EPS8L3: variants seen among roughly 807,000 people sequenced by gnomAD.
EPS8L3 encodes the protein epidermal growth factor receptor kinase substrate 8-like protein 3.
In EPS8L3, 80 loss-of-function variants were observed where a neutral mutation model predicts 88.5. That is an observed-to-expected ratio of 0.90 (90% CI 0.75 to 1.09). The LOEUF (loss-of-function observed/expected upper bound fraction) is 1.09, where lower values mean the gene tolerates loss of function less well. Ranked by LOEUF, EPS8L3 falls within the 50% of genes least tolerant of loss-of-function variation. EPS8L3 has a pLI of 0.00. For synonymous variants in EPS8L3, 286 were observed against 291.0 expected, an observed-to-expected ratio of 0.98 and a Z score of 0.18; for missense variants, 721 against 735.2, an observed-to-expected ratio of 0.98 and a Z score of 0.22.
intron 13 of EPS8L3, 44 bp from the exon 14 acceptor site, chr1:109,752,764 C>A: frequency 6.5e-7 from 1 of 1,530,868 alleles, no homozygotes; most frequent in Non-Finnish European, 8.9e-7. Context: ...AGGAGGCAGC[C>A]AGCATGGTGG....
intron 12 of EPS8L3, among the ~76,000 whole-genome samples, chr1:109,754,492 T>C (rs1339507425): frequency 6.6e-6 from 1 of 152,230 alleles, no homozygotes; most frequent in Non-Finnish European, 1.5e-5. Context: ...GTTAAGAAAC[T>C]AAAAAACATC....
chr1:109,759,444 G>A lies in EPS8L3; in HGVS notation c.256-57C>T, dbSNP rs774856210. ...CACCAGAGCTAGGTGTGGCTTCTGGGAGCTCCTGACCAGCTCATCCTAGCC... is the reference window on the plus strand; with the variant it reads ...CACCAGAGCTAGGTGTGGCTTCTGGAAGCTCCTGACCAGCTCATCCTAGCC... On this transcript the variant is annotated intron_variant, in intron 4 of 18. Coordinates refer to ENST00000361965, the MANE Select transcript of EPS8L3 (RefSeq NM_133181.4). This position sits in a 1 kb window ranked among gnomAD's most constrained non-coding sequence, Gnocchi z 4.2. 11 of 1,594,088 alleles carry A rather than the reference G, an allele frequency of 6.9e-6. No homozygotes were observed. The highest frequency in any genetic ancestry group is 8.5e-6 in the Non-Finnish European group (10 of 1,170,222).
chr1:109,751,466 G>A (rs1557986886), intron 16 of EPS8L3, 115 bp from the exon 17 acceptor site: 3 of 1,368,392 alleles, frequency 2.2e-6, no homozygotes, highest in Non-Finnish European at 2.0e-6. Context: ...TTACTCTGTG[G>A]CTTTCTGGTC....
At chr1:109,763,622 C>T (rs1018500001) in intron 1 of EPS8L3, among the ~76,000 whole-genome samples, 200 bp downstream of exon 1, 11 of 152,308 alleles carry the variant, frequency 7.2e-5, no homozygotes, top group East Asian at 3.9e-4. Context: ...GAGGCCCTTC[C>T]GGAGCCTGGA....
At chr1:109,754,520 A>T (rs1443576702) in intron 12 of EPS8L3, among the ~76,000 whole-genome samples, 1 of 152,244 alleles carries the variant, frequency 6.6e-6, no homozygotes, top group Admixed American at 6.5e-5. Context: ...ACATCTGACA[A>T]TATTACATTT....
rs757293027 is a variant in EPS8L3 at position 109,759,384 on chromosome 1, C to T, written c.259G>A (p.Glu87Lys). The part of the protein sequence containing the change: ...LQLLDIETKE[E>K]LDSYRLDSIQ... ...CTGTCTAGGCGGTAAGAGTCCAGCT[C>T]CTCCTGGGCCAGGTGGAGAGGTCAA... The change falls in exon 5 of 19, where the codon GAG becomes AAG. Residue 87 changes from glutamate (E) to lysine (K), a missense_variant. Transcript: ENST00000361965. The surrounding 1 kb of genome is among the most constrained non-coding windows in gnomAD (Gnocchi z 4.2). 4 of 1,613,490 alleles carry T rather than the reference C, an allele frequency of 2.5e-6. No individual in the cohort carries two copies. The highest frequency in any genetic ancestry group is 4.5e-5 in the East Asian group (2 of 44,894).
chr1:109,752,020 G>T lies in EPS8L3; in HGVS notation c.1409C>A (p.Thr470Asn), dbSNP rs77184613. 1.7e-4 allele frequency: 273 copies of T among 1,611,588 alleles called. No individual in the cohort carries two copies. The highest frequency in any genetic ancestry group is 3.2e-4 in the Admixed American group (19 of 59,800). Residue 470 changes from threonine (T) to asparagine (N), a missense_variant, in exon 15 of 19, where the codon ACT becomes AAT. Thr to Asn is a moderately conservative substitution (Grantham distance 65). Transcript: ENST00000361965. ...CTCCAGCTTCTCTCCCTGGACCACA[G>T]TCAGTTCCCGTGGGTTCCTAGCTTC... ...EFEARNPRELTVVQGEKLEVL... is the reference protein window; with the variant it reads ...EFEARNPRELNVVQGEKLEVL...
At chr1:109,756,061 C>T (rs1434551565) in intron 12 of EPS8L3, among the ~76,000 whole-genome samples, 3 of 152,192 alleles carry the variant, frequency 2.0e-5, no homozygotes, top group South Asian at 2.1e-4. Flanking sequence ...TGTCAAGGTA[C>T]GTTCAGGGGC....
At chr1:109,760,200 G>C (rs1650769284) in intron 3 of EPS8L3, among the ~76,000 whole-genome samples, 1 of 152,144 alleles carries the variant, frequency 6.6e-6, no homozygotes, top group East Asian at 1.9e-4. Context: ...AGGACCCTCA[G>C]ATTCTGTCCC....
At chr1:109,753,392 C>A (rs1356569991) in intron 12 of EPS8L3, among the ~76,000 whole-genome samples, 194 bp from the exon 13 acceptor site, 1 of 152,164 alleles carries the variant, frequency 6.6e-6, no homozygotes, top group Non-Finnish European at 1.5e-5. Context: ...TGGACACATC[C>A]CACGGTGCAG....
Position 109,757,104 on chromosome 1 carries a change from G to A in EPS8L3, c.1031C>T (p.Pro344Leu). The A allele has an allele frequency of 1.2e-6, 2 of 1,614,046 alleles. No individual in the cohort carries two copies. Among genetic ancestry groups the A allele is most frequent in the Non-Finnish European group, 1.7e-6 (2 of 1,179,922 alleles). ...GGACTGTAGCAGGTTGATAGCTTTA[G>A]GGGTGAGGAGGGGTGAGATCACTTG... ...AAQVISPLLT[P>L]KAINLLQSCL... Residue 344 changes from proline (P) to leucine (L), a missense_variant, in exon 12 of 19, where the codon CCT (proline) becomes CTT (leucine). Pro to Leu is a moderately conservative substitution (Grantham distance 98). Coordinates refer to ENST00000361965, the MANE Select transcript of EPS8L3 (RefSeq NM_133181.4).
rs759841326 is a variant in EPS8L3 at position 109,751,300 on chromosome 1, G to T, written c.1615C>A (p.Gln539Lys). 1.9e-6 allele frequency: 3 copies of T among 1,613,918 alleles called. No homozygotes were observed. In the South Asian group the frequency reaches 3.3e-5, roughly 18 times the overall value. ...CACGCAGTGGAGAAGTTCTCTGCCT[G>T]CAGCCAGTCTGTGACCTCTTCAGGC... The part of the protein sequence containing the change: ...SRPEEVTDWL[Q>K]AENFSTATVR... The change falls in exon 17 of 19, where the codon CAG becomes AAG. Residue 539 changes from glutamine (Q) to lysine (K), a missense_variant. Gln to Lys is a moderately conservative substitution (Grantham distance 53). Coordinates refer to ENST00000361965, the MANE Select transcript of EPS8L3 (RefSeq NM_133181.4).
In EPS8L3 at chr1:109,752,202, CAG is replaced by C. The variant is rs766209658; in HGVS notation, c.1236-11_1236-10del. 1.2e-6 allele frequency: 2 copies of C among 1,608,354 alleles called. No individual in the cohort carries two copies. Among genetic ancestry groups the C allele is most frequent in the Non-Finnish European group, 1.7e-6 (2 of 1,176,358 alleles). On this transcript the variant is annotated splice_polypyrimidine_tract_variant and intron_variant, in intron 14 of 18. Coordinates refer to ENST00000361965, the MANE Select transcript of EPS8L3 (RefSeq NM_133181.4). Reference sequence around the variant, plus strand: ...ACCTATGACTTCCCCGCCTAAGAAACAGAGTCAGGATGGCTGGAGAATGGGGC... The same window carrying C: ...ACCTATGACTTCCCCGCCTAAGAAACAGTCAGGATGGCTGGAGAATGGGGC...
rs1011099057 is a variant in EPS8L3 at position 109,759,994 on chromosome 1, A to T, written c.97-158T>A. The T allele has an allele frequency of 1.7e-5, 12 of 717,246 alleles. No individual in the cohort carries two copies. The highest frequency in any genetic ancestry group is 2.3e-5 in the Non-Finnish European group (10 of 443,718). The allele number at this position is 717,246 out of a possible 1,614,324, so 44.4% of individuals were successfully genotyped here. On this transcript the variant is annotated intron_variant, in intron 3 of 18. Transcript: ENST00000361965. This position sits in a 1 kb window ranked among gnomAD's most constrained non-coding sequence, Gnocchi z 4.2. ...CAGATAAAGCAACTTTCCAGGGCCA[A>T]TGTGAGGGACGGTGTCGAAGCACTG...
Position 109,759,115 on chromosome 1 carries a change from T to A in EPS8L3, c.408A>T (p.Ala136=), listed in dbSNP as rs1192811867. ...TLLFQCQEVG[A]ERLKTSLQKA... is the part of the protein sequence containing the mutation. ...TCTGCAGGCTGGTCTTCAGTCGCTC[T>A]GCCTGGGAAGCAGCAGTCAGGCAGG... Residue 136 remains alanine (A), a splice_region_variant and synonymous_variant, in exon 6 of 19, where the codon GCA becomes GCT. Transcript: ENST00000361965. The surrounding 1 kb of genome is among the most constrained non-coding windows in gnomAD (Gnocchi z 4.2). The A allele has an allele frequency of 6.2e-7, 1 of 1,612,280 alleles. No individual in the cohort carries two copies. Among genetic ancestry groups the A allele is most frequent in the South Asian group, 1.1e-5 (1 of 91,002 alleles).
At position 109,757,127 on chromosome 1, in the gene EPS8L3, T is replaced by C; in HGVS notation, c.1008A>G (p.Gln336=). The change falls in exon 12 of 19, where the codon CAA becomes CAG. Residue 336 remains glutamine (Q), a synonymous_variant. Coordinates refer to ENST00000361965, the MANE Select transcript of EPS8L3 (RefSeq NM_133181.4). ...TAGGGGTGAGGAGGGGTGAGATCAC[T>C]TGGGCTGCTAGGCCAGCCTCAGGGC... ...ARCPEAGLAA[Q]VISPLLTPKA... 6.2e-7 allele frequency: 1 copy of C among 1,613,742 alleles called. No homozygotes were observed. The highest frequency in any genetic ancestry group is 8.5e-7 in the Non-Finnish European group (1 of 1,179,764).
chr1:109,757,389 C>T, intron 11 of EPS8L3, 92 bp downstream of exon 11: 4 of 1,316,422 alleles, frequency 3.0e-6, no homozygotes, highest in Non-Finnish European at 4.3e-6. Flanking sequence ...GGCCCCTGCT[C>T]CCCCATCCCC....
chr1:109,761,324 CA>C (rs1158770113), intron 3 of EPS8L3, 170 bp downstream of exon 3: 1 of 625,268 alleles, frequency 1.6e-6, no homozygotes, highest in African/African-American at 1.8e-5. Flanking sequence ...TGACACTGAG[CA>C]GATGCTCTGG....
intron 12 of EPS8L3, among the ~76,000 whole-genome samples, chr1:109,753,597 A>G (rs1295671966): frequency 6.6e-6 from 1 of 152,118 alleles, no homozygotes; most frequent in African/African-American, 2.4e-5. Context: ...CCAGCAGCAG[A>G]TCCTTTTCTT....
Sources: allele counts gnomAD v4.1 joint callset (sites outside exome capture counted in the v4.1 genomes callset), GRCh38; gene constraint gnomAD v4.1.1; non-coding constraint Gnocchi (gnomAD v3.1); transcripts MANE v1.5; gene names NCBI Gene and HGNC (gene_info 2026-07-23, HGNC 2026-07-21).